The following BRINP1 variants were observed in gnomAD, a reference collection of about 807,000 sequenced individuals.
BRINP1 encodes BMP/retinoic acid-inducible neural-specific protein 1.
Under a neutral mutation model 72.9 loss-of-function variants are expected in BRINP1, and 17 were observed. That is an observed-to-expected ratio of 0.23 (90% CI 0.16 to 0.35). The LOEUF (loss-of-function observed/expected upper bound fraction) is 0.35. Ranked by LOEUF, BRINP1 falls within the 10% of genes least tolerant of loss-of-function variation. BRINP1 has a pLI of 1.00. For missense variants in BRINP1, 850 were observed against 1,001.6 expected, an observed-to-expected ratio of 0.85 and a Z score of 2.04; for synonymous variants, 418 against 378.5, an observed-to-expected ratio of 1.10 and a Z score of -1.21.
intron 7 of BRINP1, among the ~76,000 whole-genome samples, chr9:119,181,050 T>C (rs1428843172): frequency 6.6e-6 from 1 of 152,164 alleles, no homozygotes; most frequent in Non-Finnish European, 1.5e-5. Context: ...ACAGGCAACA[T>C]CAGCTGCATA....
Position 119,246,627 on chromosome 9 carries a change from C to T in BRINP1, c.409+2333G>A, listed in dbSNP as rs117851083. On this transcript the variant is annotated intron_variant, in intron 3 of 7. Coordinates refer to ENST00000265922, the MANE Select transcript of BRINP1 (RefSeq NM_014618.3). ...GAGAACCCTGACTAATACAGTAACA[C>T]TAAGCTGGTGAACAGCCGGAGGCAG... Among the ~76,000 whole-genome samples the T allele has an allele frequency of 9.5e-4, 144 of 152,270 alleles. 1 individual carries two copies. In the East Asian group the frequency reaches 0.02, roughly 21 times the overall value.
chr9:119,175,588 A>G (rs1333005196), intron 7 of BRINP1, among the ~76,000 whole-genome samples: 1 of 152,076 alleles, frequency 6.6e-6, no homozygotes, highest in Non-Finnish European at 1.5e-5. Context: ...GTTGATTTCT[A>G]TTGCAGCCTC....
chr9:119,191,633 G>C (rs984639153), intron 7 of BRINP1, among the ~76,000 whole-genome samples: 5 of 151,972 alleles, frequency 3.3e-5, no homozygotes, highest in Non-Finnish European at 5.9e-5. Context: ...TAAATGAAAA[G>C]ATATTCTGTG....
intron 3 of BRINP1, among the ~76,000 whole-genome samples, chr9:119,247,846 A>C (rs1468443856): frequency 6.6e-6 from 1 of 152,278 alleles, no homozygotes; most frequent in Non-Finnish European, 1.5e-5. Flanking sequence ...TTGAGGACTA[A>C]AGACAATGTA....
intron 7 of BRINP1, among the ~76,000 whole-genome samples, chr9:119,196,862 ACTCTATTCT>A (rs1023772142): frequency 2.0e-5 from 3 of 152,142 alleles, no homozygotes; most frequent in Admixed American, 2.0e-4. Context: ...TTAATCCCAC[ACTCTATTCT>A]TCATAGGTAC....
intron 1 of BRINP1, among the ~76,000 whole-genome samples, chr9:119,340,516 T>C (rs1000250034): frequency 3.9e-5 from 6 of 152,134 alleles, no homozygotes; most frequent in Admixed American, 3.9e-4. Context: ...TCTTCCCCAG[T>C]CCAGCTAATC....
intron 2 of BRINP1, among the ~76,000 whole-genome samples, chr9:119,310,928 C>T (rs1352837476): frequency 6.6e-6 from 1 of 152,144 alleles, no homozygotes; most frequent in African/African-American, 2.4e-5. Flanking sequence ...TCTGGATGAG[C>T]GCATGTCTCT....
At chr9:119,233,405 A>T (rs1251990812) in intron 5 of BRINP1, among the ~76,000 whole-genome samples, 2 of 152,190 alleles carry the variant, frequency 1.3e-5, no homozygotes, top group Non-Finnish European at 2.9e-5. Flanking sequence ...AATATACATA[A>T]ATAAGCAAAA....
chr9:119,168,758 G>A (rs1036710345), intron 7 of BRINP1, among the ~76,000 whole-genome samples: 1 of 134,700 alleles, frequency 7.4e-6, no homozygotes, highest in South Asian at 2.5e-4. Context: ...AAATCATGTA[G>A]TGATTTCTAT....
intron 2 of BRINP1, among the ~76,000 whole-genome samples, chr9:119,292,423 T>C (rs1830829693): frequency 6.6e-6 from 1 of 152,226 alleles, no homozygotes; most frequent in African/African-American, 2.4e-5. Flanking sequence ...ACTAACACCA[T>C]ACAATTAGCA....
intron 2 of BRINP1, among the ~76,000 whole-genome samples, chr9:119,289,281 C>T (rs1830799524): frequency 6.6e-6 from 1 of 152,156 alleles, no homozygotes; most frequent in African/African-American, 2.4e-5. Context: ...TAAAGAAATG[C>T]AATACTCAGA....
intron 5 of BRINP1, among the ~76,000 whole-genome samples, chr9:119,235,001 T>A (rs1209444669): frequency 1.3e-5 from 2 of 152,192 alleles, no homozygotes; most frequent in Non-Finnish European, 2.9e-5. Flanking sequence ...GTCTTTTCAC[T>A]AAATCCTCGT....
chr9:119,200,702 G>C (rs1829797183), intron 7 of BRINP1, among the ~76,000 whole-genome samples: 1 of 151,540 alleles, frequency 6.6e-6, no homozygotes, highest in African/African-American at 2.4e-5. Context: ...ACTGGAACTT[G>C]GGTTCAATTG....
intron 7 of BRINP1, among the ~76,000 whole-genome samples, chr9:119,203,455 T>C (rs866101623): frequency 6.6e-6 from 1 of 152,178 alleles, no homozygotes; most frequent in South Asian, 2.1e-4. Context: ...ATGCCAACTA[T>C]CAGTTCTTGG....
chr9:119,328,718 A>C (rs1021630790), intron 1 of BRINP1, among the ~76,000 whole-genome samples: 2 of 152,162 alleles, frequency 1.3e-5, no homozygotes, highest in African/African-American at 4.8e-5. Flanking sequence ...AGACCTGAAC[A>C]ATGTTGTTGG....
intron 2 of BRINP1, among the ~76,000 whole-genome samples, chr9:119,278,801 T>C (rs953218841): frequency 6.6e-6 from 1 of 151,844 alleles, no homozygotes; most frequent in Admixed American, 6.6e-5. Flanking sequence ...GGCAGGAGAG[T>C]GGCTTGAATC....
intron 5 of BRINP1, among the ~76,000 whole-genome samples, chr9:119,226,066 G>A (rs1830088914): frequency 6.6e-6 from 1 of 151,580 alleles, no homozygotes; most frequent in Admixed American, 6.6e-5. Flanking sequence ...ACAATTTAGT[G>A]GCAGACGTGT....
At chr9:119,314,220 A>G (rs1247031500) in intron 1 of BRINP1, among the ~76,000 whole-genome samples, 1 of 152,150 alleles carries the variant, frequency 6.6e-6, no homozygotes, top group East Asian at 1.9e-4. Context: ...TGCTTCTTTT[A>G]TTAGGGGGTC....
At chr9:119,277,905 G>T (rs1830672351) in intron 2 of BRINP1, among the ~76,000 whole-genome samples, 1 of 152,016 alleles carries the variant, frequency 6.6e-6, no homozygotes, top group African/African-American at 2.4e-5. Context: ...TAAAAAAGAG[G>T]TTACCCCCCT....
Sources: allele counts gnomAD v4.1 joint callset (sites outside exome capture counted in the v4.1 genomes callset), GRCh38; gene constraint gnomAD v4.1.1; transcripts MANE v1.5; gene names NCBI Gene and HGNC (gene_info 2026-07-23, HGNC 2026-07-21).